FMO4: variants seen among roughly 807,000 people sequenced by gnomAD.
The protein encoded by FMO4 is dimethylaniline monooxygenase [N-oxide-forming] 4.
FMO4 carries 38 observed loss-of-function variants against 43.3 expected under a neutral mutation model. That is an observed-to-expected ratio of 0.88 (90% CI 0.68 to 1.15). The LOEUF is 1.15. FMO4 is among the 50% of genes most tolerant of loss of function. FMO4 has a pLI of 0.00. For missense variants in FMO4, 631 were observed against 663.3 expected (o/e 0.95, Z 0.54); for synonymous variants, 224 against 232.2 (o/e 0.96, Z 0.32).
intron 5 of FMO4, among the ~76,000 whole-genome samples, chr1:171,327,006 C>T (rs757911512): frequency 8.5e-5 from 13 of 152,072 alleles, no homozygotes; most frequent in Admixed American, 4.6e-4. Context: ...ATTTTTTCTT[C>T]TTCAATATGT....
intron 2 of FMO4, 49 bp from the exon 3 acceptor site, chr1:171,319,769 C>T: frequency 6.3e-7 from 1 of 1,586,034 alleles, no homozygotes; most frequent in South Asian, 1.1e-5. Flanking sequence ...CAAGGGCTCC[C>T]TTCCAAACTT....
At chr1:171,331,032 GA>G (rs1462255137) in intron 5 of FMO4, among the ~76,000 whole-genome samples, 3 of 151,954 alleles carry the variant, frequency 2.0e-5, no homozygotes, top group Non-Finnish European at 4.4e-5. Context: ...CTTCATTTAC[GA>G]AAGAACTTAC....
chr1:171,334,442 C>T lies in FMO4; in HGVS notation c.859C>T (p.Leu287=). The T allele has an allele frequency of 6.3e-7, 1 of 1,592,376 alleles. No homozygotes were observed. The highest frequency in any genetic ancestry group is 8.5e-7 in the Non-Finnish European group (1 of 1,171,826). ...AGCAAAATTCATTGTGAATGATGAG[C>T]TGCCAAACTGTATCCTCTGTGGGGC... is the stretch of plus-strand genomic sequence containing the variant. ...KKAKFIVNDE[L]PNCILCGAIT... The change falls in exon 8 of 10, where the codon CTG becomes TTG. Residue 287 remains leucine (L), a synonymous_variant. Transcript: ENST00000367749.
intron 7 of FMO4, among the ~76,000 whole-genome samples, chr1:171,334,178 A>G (rs1267098144): frequency 2.6e-5 from 4 of 152,126 alleles, no homozygotes; most frequent in Non-Finnish European, 4.4e-5. Flanking sequence ...AGAGTTTTAA[A>G]CCCCAAGCAA....
chr1:171,319,963 T>C lies in FMO4; in HGVS notation c.132+6T>C. The C allele has an allele frequency of 6.2e-7, 1 of 1,613,716 alleles. No homozygotes were observed. The highest frequency in any genetic ancestry group is 8.5e-7 in the Non-Finnish European group (1 of 1,179,660). On this transcript the variant is annotated splice_donor_region_variant and intron_variant, in intron 3 of 9. Transcript: ENST00000367749. Reference sequence around the variant, plus strand: ...GGGGATTATGGAAGTTTACTGTACGTGGTTCATCTCTATCAGTCATGATCT... The same window carrying C: ...GGGGATTATGGAAGTTTACTGTACGCGGTTCATCTCTATCAGTCATGATCT...
rs139357044 is a variant in FMO4, at chr1:171,319,883, T to C, written c.58T>C (p.Cys20Arg). The change falls in exon 3 of 10, where the codon TGC becomes CGC. Residue 20 changes from cysteine to arginine, a missense_variant. Transcript: ENST00000367749. ...TGTGAGTGGCCTCTCCTCCATCAAA[T>C]GCTGTGTGGATGAGGACCTGGAGCC... Reference protein sequence around the residue: ...AGVSGLSSIKCCVDEDLEPTC... With the variant: ...AGVSGLSSIKRCVDEDLEPTC... 44 of 1,613,800 alleles carry C rather than the reference T, an allele frequency of 2.7e-5. No homozygotes were observed. The African/African-American group carries it at 5.3e-4, about 20-fold the overall frequency.
chr1:171,319,615 C>A (rs1454326331), intron 2 of FMO4, among the ~76,000 whole-genome samples: 1 of 151,960 alleles, frequency 6.6e-6, no homozygotes, highest in Non-Finnish European at 1.5e-5. Context: ...AGCCCAAGAT[C>A]ACACAGTTAA....
intron 3 of FMO4, among the ~76,000 whole-genome samples, chr1:171,321,865 T>A (rs1662445139): frequency 6.6e-6 from 1 of 152,140 alleles, no homozygotes; most frequent in Non-Finnish European, 1.5e-5. Flanking sequence ...GTGGTAGAAG[T>A]ACAGGATGCA....
At chr1:171,322,070 G>T (rs1218950792) in intron 3 of FMO4, among the ~76,000 whole-genome samples, 1 of 152,194 alleles carries the variant, frequency 6.6e-6, no homozygotes, top group African/African-American at 2.4e-5. Context: ...ATCAAGATAA[G>T]TTGAGGACTT....
chr1:171,321,574 C>A (rs953903294), intron 3 of FMO4, among the ~76,000 whole-genome samples: 10 of 152,244 alleles, frequency 6.6e-5, no homozygotes, highest in Admixed American at 3.9e-4. Context: ...TGTACACGTT[C>A]AATACATATG....
At position 171,341,992 on chromosome 1, in the gene FMO4, T is replaced by C; in HGVS notation, c.*153T>C. On this transcript the variant is annotated 3_prime_UTR_variant, in exon 10 of 10. Coordinates refer to ENST00000367749, the MANE Select transcript of FMO4 (RefSeq NM_002022.3). ...TTATTGTATTATCTTCTTCTTTGTT[T>C]TCAGTACCCTCTTTCTTGCCACCCT... The C allele has an allele frequency of 1.6e-6, 1 of 614,464 alleles. No individual in the cohort carries two copies. The allele number at this position is 614,464 out of a possible 1,614,324, so 38.1% of individuals were successfully genotyped here.
chr1:171,321,665 G>A (rs534741039), intron 3 of FMO4, among the ~76,000 whole-genome samples: 3 of 137,656 alleles, frequency 2.2e-5, no homozygotes, highest in Admixed American at 7.1e-5. Context: ...GATACAGAGG[G>A]CCAGCTGTAC....
rs1165541553 is a variant in FMO4, at chr1:171,323,164, T to C, written c.293T>C (p.Phe98Ser). ...TATCTCCAAGAATTTGCTGAGCACT[T>C]TGACCTCCTGAAATACATTCAGTTT... ...WDYLQEFAEHFDLLKYIQFKT... is the reference protein window; with the variant it reads ...WDYLQEFAEHSDLLKYIQFKT... Residue 98 changes from phenylalanine to serine, a missense_variant, in exon 4 of 10, where the codon TTT becomes TCT. Coordinates refer to ENST00000367749, the MANE Select transcript of FMO4 (RefSeq NM_002022.3). 4 of 1,613,390 alleles carry C rather than the reference T, an allele frequency of 2.5e-6. No individual in the cohort carries two copies. The highest frequency in any genetic ancestry group is 2.5e-6 in the Non-Finnish European group (3 of 1,179,582).
At chr1:171,331,574 A>C in intron 5 of FMO4, 66 bp from the exon 6 acceptor site, 1 of 1,500,048 alleles carries the variant, frequency 6.7e-7, no homozygotes. Context: ...CACAGACCCT[A>C]TCCCTGCGTA....
intron 2 of FMO4, among the ~76,000 whole-genome samples, chr1:171,318,425 A>C (rs1289405157): frequency 1.3e-5 from 2 of 152,104 alleles, no homozygotes; most frequent in African/African-American, 4.8e-5. Flanking sequence ...CCAAGGCAGG[A>C]GGATCACCTG....
rs759860288 is a variant in FMO4 at position 171,323,089 on chromosome 1, C to T, written c.218C>T (p.Pro73Leu). 2 of 1,612,906 alleles carry T rather than the reference C, an allele frequency of 1.2e-6. No homozygotes were observed. Among genetic ancestry groups the T allele is most frequent in the Non-Finnish European group, 1.7e-6 (2 of 1,179,032 alleles). Residue 73 changes from proline (P) to leucine (L), a missense_variant, in exon 4 of 10, where the codon CCT becomes CTT. Pro to Leu is a moderately conservative substitution (Grantham distance 98). Coordinates refer to ENST00000367749, the MANE Select transcript of FMO4 (RefSeq NM_002022.3). ...GAAATGTCATGTTACAGTGACTTCC[C>T]TTTCCACGAAGATTATCCTAATTTC... ...CKEMSCYSDF[P>L]FHEDYPNFMN... is the part of the protein sequence containing the mutation.
chr1:171,319,716 G>T (rs1318785931), intron 2 of FMO4, 102 bp from the exon 3 acceptor site: 22 of 932,200 alleles, frequency 2.4e-5, no homozygotes, highest in Non-Finnish European at 3.6e-5. Flanking sequence ...ACTCAAAGAT[G>T]AAAAAAAGGC....
chr1:171,331,872 A>G lies in FMO4; in HGVS notation c.627+90A>G, dbSNP rs1662914891. 6.9e-6 allele frequency: 8 copies of G among 1,157,530 alleles called. No individual in the cohort carries two copies. In the Admixed American group the frequency reaches 1.4e-4, roughly 20 times the overall value. 71.7% of individuals were successfully genotyped at this position (1,157,530 alleles called of 1,614,324 possible). On this transcript the variant is annotated intron_variant, in intron 6 of 9. Coordinates refer to ENST00000367749, the MANE Select transcript of FMO4 (RefSeq NM_002022.3). ...TCAAAACTATGAAGTACATTGGCCAATTGCTAAATTATGCAGACACACAGT... is the reference window on the plus strand; with the variant it reads ...TCAAAACTATGAAGTACATTGGCCAGTTGCTAAATTATGCAGACACACAGT...
chr1:171,341,355 T>G (rs973888197), intron 9 of FMO4, 58 bp from the exon 10 acceptor site: 6 of 1,351,220 alleles, frequency 4.4e-6, no homozygotes, highest in African/African-American at 2.9e-5. Context: ...GTCTGATAAC[T>G]TGAGAAATGC....
Sources: allele counts gnomAD v4.1 joint callset (sites outside exome capture counted in the v4.1 genomes callset), GRCh38; gene constraint gnomAD v4.1.1; transcripts MANE v1.5; gene names NCBI Gene and HGNC (gene_info 2026-07-23, HGNC 2026-07-21).